Variants in GABRA4 observed in about 807,000 individuals in gnomAD.
The protein encoded by GABRA4 is gamma-aminobutyric acid receptor subunit alpha-4.
In GABRA4, 12 loss-of-function variants were observed where a neutral mutation model predicts 49.7. The ratio of observed to expected loss-of-function variants is 0.24; its 90% CI spans 0.15 to 0.39. GABRA4 has a LOEUF of 0.39. Ranked by LOEUF, GABRA4 falls within the 10% of genes least tolerant of loss-of-function variation. The probability of loss-of-function intolerance (pLI) is 1.00; values close to 1 mark genes in which losing one functional copy is unlikely to be tolerated. For missense variants in GABRA4, 506 were observed against 686.0 expected (o/e 0.74, Z 2.93); for synonymous variants, 288 against 240.2 (o/e 1.20, Z -1.84).
At position 46,924,603 on chromosome 4, in the gene GABRA4, G is replaced by T. The variant is rs902287577; in HGVS notation, c.*3622C>A. Reference sequence around the variant, plus strand: ...TAGCCAATATTCTACTGTCTTTAAAGAATACAGTCTTCCCTGGGGAAGAAT... The same window carrying T: ...TAGCCAATATTCTACTGTCTTTAAATAATACAGTCTTCCCTGGGGAAGAAT... On this transcript the variant is annotated 3_prime_UTR_variant, in exon 9 of 9. Transcript: ENST00000264318. The T allele has an allele frequency of 6.6e-6, 1 of 151,992 alleles. No individual in the cohort carries two copies. Among genetic ancestry groups the T allele is most frequent in the African/African-American group, 2.4e-5 (1 of 41,418 alleles). 9.4% of individuals were successfully genotyped at this position (151,992 alleles called of 1,614,324 possible). A position where few individuals can be genotyped will look rare whatever the true frequency, so the allele number is the denominator to read the frequency against.
At chr4:46,990,037 G>A (rs1292792230) in intron 2 of GABRA4, among the ~76,000 whole-genome samples, 1 of 152,082 alleles carries the variant, frequency 6.6e-6, no homozygotes, top group Non-Finnish European at 1.5e-5. Flanking sequence ...GTCACATTTG[G>A]AATACTACAC....
At chr4:46,960,121 A>T (rs1031859060) in intron 8 of GABRA4, among the ~76,000 whole-genome samples, 6 of 151,620 alleles carry the variant, frequency 4.0e-5, no homozygotes, top group African/African-American at 1.2e-4. Context: ...AATATTAAGA[A>T]ATATAAAAAT....
In GABRA4 at chr4:46,935,864, G is replaced by A. The variant is rs549577637; in HGVS notation, c.1135-7109C>T. ...GAATATTCTATGGTGAAGTCAGTCA[G>A]GGAAAGGATGTTGCTGGTGACAATG... On this transcript the variant is annotated intron_variant, in intron 8 of 8. Transcript: ENST00000264318. 3.9e-5 allele frequency among the ~76,000 whole-genome samples: 6 copies of A among 152,274 alleles called. No individual in the cohort carries two copies. In the East Asian group the frequency reaches 1.2e-3, roughly 29 times the overall value.
rs1577784897 is a variant in GABRA4 at position 46,974,225 on chromosome 4, A to T, written c.721+7T>A. ...AGCATGTCGGCTTTAATCATTACACATCTCACCCGTAATTGATTTGATGGT... is the reference window on the plus strand; with the variant it reads ...AGCATGTCGGCTTTAATCATTACACTTCTCACCCGTAATTGATTTGATGGT... On this transcript the variant is annotated splice_region_variant and intron_variant, in intron 6 of 8. Transcript: ENST00000264318. 6.2e-7 allele frequency: 1 copy of T among 1,610,134 alleles called. No homozygotes were observed. The highest frequency in any genetic ancestry group is 1.3e-5 in the African/African-American group (1 of 74,800).
chr4:46,968,324 T>C (rs1722837817), intron 7 of GABRA4, among the ~76,000 whole-genome samples: 1 of 151,260 alleles, frequency 6.6e-6, no homozygotes, highest in Admixed American at 6.6e-5. Flanking sequence ...TCTGCTCAAC[T>C]GAAAACAATA....
rs567869246 is a variant in GABRA4 at position 46,984,771 on chromosome 4, G to GAT, written c.206-5675_206-5674dup. ...GCCATTTTAAGAAATACCATTTCAA[G>GAT]ATATATATATCTTGTGTTAAAGAGG... On this transcript the variant is annotated intron_variant, in intron 2 of 8. Coordinates refer to ENST00000264318, the MANE Select transcript of GABRA4 (RefSeq NM_000809.4). Among the ~76,000 whole-genome samples the GAT allele has an allele frequency of 1.6e-4, 24 of 151,944 alleles. No individual in the cohort carries two copies. The East Asian group carries it at 3.9e-3, about 25-fold the overall frequency.
chr4:46,951,179 A>G (rs1447523502), intron 8 of GABRA4, among the ~76,000 whole-genome samples: 1 of 152,028 alleles, frequency 6.6e-6, no homozygotes, highest in Non-Finnish European at 1.5e-5. Context: ...CAGTTATCCA[A>G]AACCTATATG....
At chr4:46,939,759 A>G (rs1460837693) in intron 8 of GABRA4, among the ~76,000 whole-genome samples, 3 of 151,938 alleles carry the variant, frequency 2.0e-5, no homozygotes, top group Non-Finnish European at 4.4e-5. Context: ...TACTGTACTA[A>G]CTTTTTTTGT....
chr4:46,971,052 C>CA, intron 7 of GABRA4, 31 bp downstream of exon 7: 1 of 1,592,112 alleles, frequency 6.3e-7, no homozygotes, highest in South Asian at 1.1e-5. Flanking sequence ...GTAATGTGAA[C>CA]AAAAACGCCC....
intron 8 of GABRA4, among the ~76,000 whole-genome samples, chr4:46,930,321 T>C (rs957798920): frequency 5.3e-5 from 8 of 152,066 alleles, no homozygotes; most frequent in African/African-American, 1.7e-4. Context: ...TACAGAACAT[T>C]GTAAATGTCA....
intron 7 of GABRA4, among the ~76,000 whole-genome samples, chr4:46,968,852 G>C (rs1050837061): frequency 9.9e-5 from 15 of 151,416 alleles, no homozygotes; most frequent in Non-Finnish European, 2.1e-4. Flanking sequence ...TAAATAAAAG[G>C]TTATCAAGTC....
chr4:46,922,412 CT>C lies in GABRA4; in HGVS notation c.*5812del, dbSNP rs1426870165. The C allele has an allele frequency of 6.6e-6, 1 of 152,072 alleles. No individual in the cohort carries two copies. Among genetic ancestry groups the C allele is most frequent in the Admixed American group, 6.6e-5 (1 of 15,256 alleles). 9.4% of individuals were successfully genotyped at this position (152,072 alleles called of 1,614,324 possible). A position where few individuals can be genotyped will look rare whatever the true frequency, so the allele number is the denominator to read the frequency against. Reference sequence around the variant, plus strand: ...TCCCACACTGTAGTTCAGTAAATAGCTGGCTCTGCTCAGTGATTAATAGAAA... The same window carrying C: ...TCCCACACTGTAGTTCAGTAAATAGCGGCTCTGCTCAGTGATTAATAGAAA... On this transcript the variant is annotated 3_prime_UTR_variant, in exon 9 of 9. Transcript: ENST00000264318.
At chr4:46,939,375 G>A (rs933123152) in intron 8 of GABRA4, among the ~76,000 whole-genome samples, 1 of 151,862 alleles carries the variant, frequency 6.6e-6, no homozygotes, top group Non-Finnish European at 1.5e-5. Flanking sequence ...CTTAATATGG[G>A]CCAGGCACTA....
At chr4:46,931,447 A>T (rs1721433742) in intron 8 of GABRA4, among the ~76,000 whole-genome samples, 1 of 152,052 alleles carries the variant, frequency 6.6e-6, no homozygotes, top group South Asian at 2.1e-4. Flanking sequence ...TTCGTTCTAG[A>T]CCAGTATGCT....
rs368731872 is a variant in GABRA4, at chr4:46,985,533, A to T, written c.206-6435T>A. On this transcript the variant is annotated intron_variant, in intron 2 of 8. Transcript: ENST00000264318. ...AATTCTGTGTAACTGTGGCTTATAG[A>T]ATAAATATATAAGAAAGGCTTAGAG... Among the ~76,000 whole-genome samples, 3 of 152,238 alleles carry T rather than the reference A, an allele frequency of 2.0e-5. No homozygotes were observed. The South Asian group carries it at 6.2e-4, about 32-fold the overall frequency.
At chr4:46,951,801 T>A (rs1577762596) in intron 8 of GABRA4, among the ~76,000 whole-genome samples, 1 of 151,492 alleles carries the variant, frequency 6.6e-6, no homozygotes, top group Non-Finnish European at 1.5e-5. Flanking sequence ...TGTACGTGTG[T>A]GTGTGTGTGT....
At chr4:46,937,391 T>C (rs560996082) in intron 8 of GABRA4, among the ~76,000 whole-genome samples, 35 of 152,182 alleles carry the variant, frequency 2.3e-4, no homozygotes, top group Non-Finnish European at 4.0e-4. Context: ...CTAACGTCAA[T>C]AAAATTAAAT....
intron 5 of GABRA4, among the ~76,000 whole-genome samples, chr4:46,975,836 A>G (rs562966721): frequency 6.6e-6 from 1 of 152,040 alleles, no homozygotes; most frequent in South Asian, 2.1e-4. Flanking sequence ...CACCCTGTCT[A>G]TGTATTTTTC....
intron 8 of GABRA4, among the ~76,000 whole-genome samples, chr4:46,953,027 G>A (rs1382533067): frequency 6.6e-6 from 1 of 152,090 alleles, no homozygotes; most frequent in Non-Finnish European, 1.5e-5. Context: ...TAGGAAATAT[G>A]TGCCAGATGT....
Sources: gnomAD v4.1 joint callset for allele counts (sites outside exome capture counted in the v4.1 genomes callset) on GRCh38, gnomAD v4.1.1 for gene constraint, MANE v1.5 for transcripts, NCBI Gene and HGNC (gene_info 2026-07-23, HGNC 2026-07-21) for gene names.